The following NUP160 variants were observed in gnomAD, a reference collection of about 807,000 sequenced individuals.
NUP160 encodes nuclear pore complex protein Nup160.
NUP160 carries 94 observed loss-of-function variants against 196.9 expected under a neutral mutation model. The ratio of observed to expected loss-of-function variants is 0.48; its 90% CI spans 0.40 to 0.57. The LOEUF is 0.57. Ranked by LOEUF, NUP160 falls within the 20% of genes least tolerant of loss-of-function variation. The pLI is 0.00. For missense variants in NUP160, 1,638 were observed against 1,748.3 expected (o/e 0.94, Z 1.13); for synonymous variants, 605 against 619.7 (o/e 0.98, Z 0.35).
intron 7 of NUP160, among the ~76,000 whole-genome samples, chr11:47,826,787 T>G (rs1369839385): frequency 2.6e-5 from 4 of 152,110 alleles, no homozygotes; most frequent in Non-Finnish European, 4.4e-5. Context: ...GGTCTCGAAC[T>G]CCTGACCTCA....
chr11:47,846,930 C>T (rs1180289551), intron 2 of NUP160, among the ~76,000 whole-genome samples: 1 of 152,108 alleles, frequency 6.6e-6, no homozygotes, highest in Non-Finnish European at 1.5e-5. Context: ...TTTTGGAATC[C>T]CTAGTGTTAA....
At chr11:47,780,709 T>A (rs556074690) in intron 34 of NUP160, among the ~76,000 whole-genome samples, 46 of 152,066 alleles carry the variant, frequency 3.0e-4, no homozygotes, top group African/African-American at 9.9e-4. Context: ...CTAATTTTTT[T>A]ATGTTTATTT....
chr11:47,847,751 C>CT (rs1599354895), intron 2 of NUP160, 97 bp downstream of exon 2: 4 of 780,968 alleles, frequency 5.1e-6, no homozygotes, highest in Non-Finnish European at 9.2e-6. Flanking sequence ...CCCTAAGTGT[C>CT]AATTACCGCT....
chr11:47,793,722 G>GTTTTGTTTTTTTTTTTTTTTTTTT, intron 27 of NUP160, among the ~76,000 whole-genome samples: 1 of 87,644 alleles, frequency 1.1e-5, no homozygotes, highest in African/African-American at 5.2e-5. Context: ...TAAGATATCT[G>GTTTTGTTTTTTTTTTTTTTTTTTT]TTTTTTTTTT....
At chr11:47,791,465 G>C (rs1177662096) in intron 29 of NUP160, among the ~76,000 whole-genome samples, 1 of 152,102 alleles carries the variant, frequency 6.6e-6, no homozygotes, top group East Asian at 1.9e-4. Context: ...TCAGCCTCCT[G>C]AGTAGCTGGG....
At chr11:47,820,824 A>G (rs1434884070) in intron 9 of NUP160, among the ~76,000 whole-genome samples, 1 of 152,108 alleles carries the variant, frequency 6.6e-6, no homozygotes, top group East Asian at 1.9e-4. Context: ...TACTGGGATT[A>G]CAGGCATGAG....
At chr11:47,806,373 T>C (rs1599320832) in intron 19 of NUP160, 61 bp from the exon 20 acceptor site, 13 of 1,318,468 alleles carry the variant, frequency 9.9e-6, no homozygotes, top group East Asian at 2.3e-5. Context: ...TCAATTAAAA[T>C]AGTCTATCAA....
At chr11:47,793,765 A>C (rs1420996938) in intron 27 of NUP160, among the ~76,000 whole-genome samples, 1 of 33,762 alleles carries the variant, frequency 3.0e-5, no homozygotes, top group Non-Finnish European at 5.0e-5. Flanking sequence ...TTTGAGACGG[A>C]GTTTTGTTCT....
chr11:47,785,288 C>T (rs562620630), intron 32 of NUP160, among the ~76,000 whole-genome samples: 350 of 151,996 alleles, frequency 2.3e-3, no homozygotes, highest in Non-Finnish European at 3.8e-3. Context: ...CACCACTATG[C>T]CCAGCTAATT....
At chr11:47,837,707 T>C (rs2135400240) in intron 4 of NUP160, 84 bp from the exon 5 acceptor site, 1 of 1,009,254 alleles carries the variant, frequency 9.9e-7, no homozygotes, top group Non-Finnish European at 1.6e-6. Context: ...AAGGTCTTTA[T>C]AATAGGCAAC....
rs77688791 is a variant in NUP160, at chr11:47,819,637, C to G, written c.1278-179G>C. Among the ~76,000 whole-genome samples the G allele has an allele frequency of 4.2e-4, 64 of 152,098 alleles. 1 individual carries two copies. The East Asian group carries it at 0.012, about 29-fold the overall frequency. On this transcript the variant is annotated intron_variant, in intron 9 of 35. Transcript: ENST00000378460. ...AAGAAAGAAACATTTTTAGCAGAGC[C>G]TAGTTTTTATACAAGTTTGCTTACC...
Position 47,798,277 on chromosome 11 carries a change from T to G in NUP160, c.2992-15A>C. ...CTTAGAGTAGCCTAAATATCAAATG[T>G]AGATCAAATATCAAAAAGAGCAATA... is the stretch of plus-strand genomic sequence containing the variant. On this transcript the variant is annotated splice_polypyrimidine_tract_variant and intron_variant, in intron 24 of 35. Transcript: ENST00000378460. 1 of 1,575,728 alleles carries G rather than the reference T, an allele frequency of 6.3e-7. No individual in the cohort carries two copies. The highest frequency in any genetic ancestry group is 8.7e-7 in the Non-Finnish European group (1 of 1,145,696).
chr11:47,784,669 C>A, intron 33 of NUP160: 1 of 245,552 alleles, frequency 4.1e-6, no homozygotes, highest in Non-Finnish European at 7.7e-6. Context: ...TCAATATGTT[C>A]CCATAAGTTA....
chr11:47,827,155 T>G (rs1038579799), intron 7 of NUP160: 1 of 455,930 alleles, frequency 2.2e-6, no homozygotes, highest in African/African-American at 2.0e-5. Flanking sequence ...CTGCTTGAAC[T>G]CAGGAGTTTG....
chr11:47,781,023 G>A (rs574777195), intron 34 of NUP160, among the ~76,000 whole-genome samples: 67 of 150,898 alleles, frequency 4.4e-4, no homozygotes, highest in Non-Finnish European at 8.6e-4. Context: ...TCAGGAGTTC[G>A]AGACCAGCCT....
At chr11:47,835,305 AC>A in intron 7 of NUP160, among the ~76,000 whole-genome samples, 1 of 152,312 alleles carries the variant, frequency 6.6e-6, no homozygotes, top group East Asian at 1.9e-4. Flanking sequence ...GACAGCAGCT[AC>A]TGTCTGGATG....
exon 3 of NUP160, chr11:47,840,540 T>A: frequency 1.9e-6 from 3 of 1,613,686 alleles, no homozygotes; most frequent in Non-Finnish European, 2.5e-6. Context: ...TCAACAGATT[T>A]ATGTCCAGTG....
intron 34 of NUP160, 44 bp from the exon 35 acceptor site, chr11:47,780,491 C>T (rs745347197): frequency 1.5e-6 from 2 of 1,306,484 alleles, no homozygotes; most frequent in Admixed American, 3.4e-5. Flanking sequence ...CAAAGTGTAC[C>T]ATTTCTTCTG....
At chr11:47,805,972 C>A (rs1393964036) in intron 20 of NUP160, among the ~76,000 whole-genome samples, 181 bp downstream of exon 20, 1 of 151,870 alleles carries the variant, frequency 6.6e-6, no homozygotes, top group East Asian at 1.9e-4. Context: ...GGCCACCACG[C>A]CTGACTAATT....
Sources: gnomAD v4.1 joint callset for allele counts (sites outside exome capture counted in the v4.1 genomes callset) on GRCh38, gnomAD v4.1.1 for gene constraint, MANE v1.5 for transcripts, NCBI Gene and HGNC (gene_info 2026-07-23, HGNC 2026-07-21) for gene names.